Variants in KIRREL3 observed in about 807,000 individuals in gnomAD.
KIRREL3 encodes the protein kirre like nephrin family adhesion molecule 3, also known as kin of IRRE-like protein 3.
In KIRREL3, 36 loss-of-function variants were observed where a neutral mutation model predicts 89.7. The ratio of observed to expected loss-of-function variants is 0.40; its 90% confidence interval spans 0.31 to 0.53. The LOEUF (loss-of-function observed/expected upper bound fraction) is 0.53, where lower values mean the gene tolerates loss of function less well. Among genes scored for constraint, KIRREL3 ranks in the 20% least tolerant of loss-of-function variants. The pLI, the probability that KIRREL3 is intolerant of heterozygous loss-of-function variation, is 0.49. For missense variants in KIRREL3, 864 were observed against 1,056.6 expected (o/e 0.82, Z 2.53); for synonymous variants, 445 against 441.4 (o/e 1.01, Z -0.10).
chr11:126,657,265 T>C (rs904705664), intron 1 of KIRREL3, among the ~76,000 whole-genome samples: 2 of 151,568 alleles, frequency 1.3e-5, no homozygotes, highest in Non-Finnish European at 2.9e-5. Flanking sequence ...AATAAATAAA[T>C]AAATAAATAA....
At chr11:126,619,470 T>C (rs1249012542) in intron 1 of KIRREL3, among the ~76,000 whole-genome samples, 1 of 152,224 alleles carries the variant, frequency 6.6e-6, no homozygotes, top group African/African-American at 2.4e-5. Context: ...TGACATAATC[T>C]GATTCACATT....
intron 4 of KIRREL3, among the ~76,000 whole-genome samples, chr11:126,478,013 GAGT>G (rs1370794738): frequency 6.6e-6 from 1 of 152,232 alleles, no homozygotes; most frequent in Non-Finnish European, 1.5e-5. Flanking sequence ...CGCTGAAGGA[GAGT>G]AGGTGTTGCC....
At chr11:126,586,614 C>T (rs1286963615) in intron 1 of KIRREL3, among the ~76,000 whole-genome samples, 1 of 152,098 alleles carries the variant, frequency 6.6e-6, no homozygotes, top group Non-Finnish European at 1.5e-5. Flanking sequence ...TTATACATAG[C>T]AGAAGTCAGA....
At position 126,769,734 on chromosome 11, in the gene KIRREL3, G is replaced by A. The variant is rs983376741; in HGVS notation, c.56-206822C>T. Among the ~76,000 whole-genome samples the A allele has an allele frequency of 2.6e-5, 4 of 152,158 alleles. No homozygotes were observed. Among genetic ancestry groups the A allele is most frequent in the African/African-American group, 9.7e-5 (4 of 41,430 alleles). ...GAGCTCACATCTTATAGCTTCCAGG[G>A]GCAAGGTGGAGGGTGCAGTGGTTTC... On this transcript the variant is annotated intron_variant, in intron 1 of 16. Transcript: ENST00000525144. This position sits in a 1 kb window ranked among gnomAD's most constrained non-coding sequence, Gnocchi z 4.3.
At chr11:126,863,537 GTGTGAGTGTGTGAGTGCA>G (rs1944804552) in intron 1 of KIRREL3, among the ~76,000 whole-genome samples, 2 of 150,092 alleles carry the variant, frequency 1.3e-5, no homozygotes, top group Admixed American at 6.7e-5. Flanking sequence ...GTGTGAGTGC[GTGTGAGTGTGTGAGTGCA>G]TGTGTGAGTG....
At chr11:126,767,366 C>T (rs1252833011) in intron 1 of KIRREL3, among the ~76,000 whole-genome samples, 1 of 152,168 alleles carries the variant, frequency 6.6e-6, no homozygotes, top group African/African-American at 2.4e-5. Flanking sequence ...GAGGGAGACC[C>T]CCACCCTGAG....
rs890790023 is a variant in KIRREL3 at position 126,601,996 on chromosome 11, G to T, written c.56-39084C>A. ...GACAGAGTCACAGAAGCTGACCGCT[G>T]CGAGGCAGGGGCTGCGGCCTTTTCC... On this transcript the variant is annotated intron_variant, in intron 1 of 16. Transcript: ENST00000525144. This position sits in a 1 kb window ranked among gnomAD's most constrained non-coding sequence, Gnocchi z 5.8. 2.0e-5 allele frequency among the ~76,000 whole-genome samples: 3 copies of T among 152,210 alleles called. No homozygotes were observed. The highest frequency in any genetic ancestry group is 7.2e-5 in the African/African-American group (3 of 41,450).
chr11:126,923,187 C>CTCTTCTTCT (rs1209221075), intron 1 of KIRREL3, among the ~76,000 whole-genome samples: 2 of 23,846 alleles, frequency 8.4e-5, no homozygotes, highest in Non-Finnish European at 7.4e-5. Context: ...TCTTCTTCTT[C>CTCTTCTTCT]TCTTCTTCTT....
Position 127,000,314 on chromosome 11 carries a change from G to T in KIRREL3, c.55+141C>A. The T allele has an allele frequency of 1.6e-6, 1 of 641,762 alleles. No homozygotes were observed. Among genetic ancestry groups the T allele is most frequent in the Non-Finnish European group, 2.7e-6 (1 of 376,004 alleles). The allele number at this position is 641,762 out of a possible 1,614,324, so 39.8% of individuals were successfully genotyped here. A position where few individuals can be genotyped will look rare whatever the true frequency, so the allele number is the denominator to read the frequency against. The stretch of plus-strand genomic sequence containing the variant: ...GCATTCGCAAAGGCGAAGAGGCAAT[G>T]CCAGAGCATCTCAGCCCGGCACCGA... On this transcript the variant is annotated intron_variant, in intron 1 of 16. Coordinates refer to ENST00000525144, the MANE Select transcript of KIRREL3 (RefSeq NM_032531.4). This position sits in a 1 kb window ranked among gnomAD's most constrained non-coding sequence, Gnocchi z 7.1.
At position 126,563,917 on chromosome 11, in the gene KIRREL3, T is replaced by C. The variant is rs1305180259; in HGVS notation, c.56-1005A>G. Among the ~76,000 whole-genome samples, 1 of 152,228 alleles carries C rather than the reference T, an allele frequency of 6.6e-6. No homozygotes were observed. Among genetic ancestry groups the C allele is most frequent in the African/African-American group, 2.4e-5 (1 of 41,450 alleles). On this transcript the variant is annotated intron_variant, in intron 1 of 16. Transcript: ENST00000525144. This position sits in a 1 kb window ranked among gnomAD's most constrained non-coding sequence, Gnocchi z 6.8. The stretch of plus-strand genomic sequence containing the variant: ...AGGTGGGCATATGGGCCACTGCAAC[T>C]GACATTATGCAGATGGGAAAATTGA...
chr11:126,651,275 C>T lies in KIRREL3; in HGVS notation c.56-88363G>A, dbSNP rs544207. ...AATTGGTGGGATGGTGCACAGTTTG[C>T]GTGTTTCACTGAGTCTTGATAATTA... On this transcript the variant is annotated intron_variant, in intron 1 of 16. Coordinates refer to ENST00000525144, the MANE Select transcript of KIRREL3 (RefSeq NM_032531.4). This position sits in a 1 kb window ranked among gnomAD's most constrained non-coding sequence, Gnocchi z 4.6. 0.28 allele frequency among the ~76,000 whole-genome samples: 42,191 copies of T among 152,146 alleles called. 6,071 individuals carry two copies. Among genetic ancestry groups the T allele is most frequent in the Middle Eastern group, 0.35 (103 of 294 alleles).
rs536898875 is a variant in KIRREL3 at position 126,728,280 on chromosome 11, A to T, written c.56-165368T>A. 1.2e-4 allele frequency among the ~76,000 whole-genome samples: 18 copies of T among 152,086 alleles called. No individual in the cohort carries two copies. In the East Asian group the frequency reaches 3.1e-3, roughly 26 times the overall value. ...GAAGCCCCCAAGCCTCAGCTTTCCC[A>T]TCTGCAGACCAGGGAGAAATATCAC... is the stretch of plus-strand genomic sequence containing the variant. On this transcript the variant is annotated intron_variant, in intron 1 of 16. Transcript: ENST00000525144.
chr11:126,695,598 G>A (rs1166244832), intron 1 of KIRREL3, among the ~76,000 whole-genome samples: 1 of 151,970 alleles, frequency 6.6e-6, no homozygotes, highest in Non-Finnish European at 1.5e-5. Flanking sequence ...TGAAACCTTT[G>A]TGAGTCAGCT....
At position 126,797,045 on chromosome 11, in the gene KIRREL3, C is replaced by T. The variant is rs1412648102; in HGVS notation, c.55+203410G>A. Among the ~76,000 whole-genome samples, 1 of 152,164 alleles carries T rather than the reference C, an allele frequency of 6.6e-6. No homozygotes were observed. The highest frequency in any genetic ancestry group is 1.5e-5 in the Non-Finnish European group (1 of 68,022). ...TGATCCTGTGAAGATTCTCTGCACA[C>T]TATTGGAGGAGCTGTCTGTTGCGGG... is the stretch of plus-strand genomic sequence containing the variant. On this transcript the variant is annotated intron_variant, in intron 1 of 16. Transcript: ENST00000525144. This position sits in a 1 kb window ranked among gnomAD's most constrained non-coding sequence, Gnocchi z 4.9.
In KIRREL3 at chr11:126,752,205, GT is replaced by G. The variant is rs72261462; in HGVS notation, c.56-189294del. On this transcript the variant is annotated intron_variant, in intron 1 of 16. Coordinates refer to ENST00000525144, the MANE Select transcript of KIRREL3 (RefSeq NM_032531.4). The surrounding 1 kb of genome is among the most constrained non-coding windows in gnomAD (Gnocchi z 4.8). ...GATTTCCCAGGCTCAGCGTGGGTTG[GT>G]TGGGGGGGTTTCTTGAAGCATTGTA... Among the ~76,000 whole-genome samples the G allele has an allele frequency of 0.18, 27,358 of 152,100 alleles. 2,527 individuals are homozygous for G. The highest frequency in any genetic ancestry group is 0.27 in the Middle Eastern group (79 of 294).
chr11:126,452,909 A>G (rs1489200157), intron 7 of KIRREL3, among the ~76,000 whole-genome samples: 1 of 152,152 alleles, frequency 6.6e-6, no homozygotes, highest in African/African-American at 2.4e-5. Flanking sequence ...CCAAAAGCAC[A>G]GACACTCAAA....
chr11:126,742,692 A>G lies in KIRREL3; in HGVS notation c.56-179780T>C, dbSNP rs1293538069. Among the ~76,000 whole-genome samples the G allele has an allele frequency of 6.6e-6, 1 of 152,236 alleles. No homozygotes were observed. Among genetic ancestry groups the G allele is most frequent in the Non-Finnish European group, 1.5e-5 (1 of 68,038 alleles). On this transcript the variant is annotated intron_variant, in intron 1 of 16. Transcript: ENST00000525144. The surrounding 1 kb of genome is among the most constrained non-coding windows in gnomAD (Gnocchi z 5.3). Reference sequence around the variant, plus strand: ...CTCCGAATTTTATTTTCTCTCAAATATATATCACCTAGCAGCTAAGAAATC... The same window carrying G: ...CTCCGAATTTTATTTTCTCTCAAATGTATATCACCTAGCAGCTAAGAAATC...
intron 5 of KIRREL3, among the ~76,000 whole-genome samples, chr11:126,472,754 GA>G (rs1423365624): frequency 6.8e-6 from 1 of 146,462 alleles, no homozygotes; most frequent in Non-Finnish European, 1.5e-5. Context: ...TAAAAGGATG[GA>G]CACACATACA....
In KIRREL3 at chr11:126,896,264, C is replaced by G. The variant is rs369229468; in HGVS notation, c.55+104191G>C. Among the ~76,000 whole-genome samples, 3 of 152,324 alleles carry G rather than the reference C, an allele frequency of 2.0e-5. No individual in the cohort carries two copies. The highest frequency in any genetic ancestry group is 7.2e-5 in the African/African-American group (3 of 41,572). ...CAGTAGGATACCTAAGAAACTAACC[C>G]TATACCATCCAAGACAGAACTCTGC... is the stretch of plus-strand genomic sequence containing the variant. On this transcript the variant is annotated intron_variant, in intron 1 of 16. Transcript: ENST00000525144. This position sits in a 1 kb window ranked among gnomAD's most constrained non-coding sequence, Gnocchi z 4.1.
Sources: gnomAD v4.1 joint callset for allele counts (sites outside exome capture counted in the v4.1 genomes callset) on GRCh38, gnomAD v4.1.1 for gene constraint, Gnocchi (gnomAD v3.1) non-coding constraint, MANE v1.5 for transcripts, NCBI Gene and HGNC (gene_info 2026-07-23, HGNC 2026-07-21) for gene names.